The following BTG1 variants were observed in gnomAD, a reference collection of about 807,000 sequenced individuals.
BTG1 encodes the protein protein BTG1.
A neutral mutation model predicts 15.2 loss-of-function variants in BTG1; 2 were observed. The ratio of observed to expected loss-of-function variants is 0.13; its 90% CI spans 0.05 to 0.41. The LOEUF (loss-of-function observed/expected upper bound fraction) is 0.41, where lower values mean the gene tolerates loss of function less well. Among genes scored for constraint, BTG1 ranks in the 10% least tolerant of loss-of-function variants. The probability of loss-of-function intolerance (pLI) is 0.99; values close to 1 mark genes in which losing one functional copy is unlikely to be tolerated. For synonymous variants in BTG1, 109 were observed against 82.4 expected (o/e 1.32, Z -1.75); for missense variants, 149 against 215.0 (o/e 0.69, Z 1.92).
At chr12:92,144,736 A>G (rs933544853) in intron 1 of BTG1, among the ~76,000 whole-genome samples, 1 of 152,188 alleles carries the variant, frequency 6.6e-6, no homozygotes, top group Non-Finnish European at 1.5e-5. Flanking sequence ...ACTGGCACCT[A>G]TGGCCAGGCG....
chr12:92,142,366 A>G lies in BTG1; in HGVS notation c.*1714T>C, dbSNP rs1320457812. ...ACATATATACCAAAAAAAGGCCACTATATGTTAACTGTGTAGAGCAAAATT... is the reference window on the plus strand; with the variant it reads ...ACATATATACCAAAAAAAGGCCACTGTATGTTAACTGTGTAGAGCAAAATT... On this transcript the variant is annotated 3_prime_UTR_variant, in exon 2 of 2. Coordinates refer to ENST00000256015, the MANE Select transcript of BTG1 (RefSeq NM_001731.3). The G allele has an allele frequency of 1.3e-5, 3 of 231,096 alleles. No individual in the cohort carries two copies. The highest frequency in any genetic ancestry group is 2.6e-5 in the Non-Finnish European group (3 of 116,870). 14.3% of individuals were successfully genotyped at this position (231,096 alleles called of 1,614,324 possible). A position where few individuals can be genotyped will look rare whatever the true frequency, so the allele number is the denominator to read the frequency against.
rs1427212321 is a variant in BTG1 at position 92,145,515 on chromosome 12, C to G, written c.21G>C (p.Arg7=). The change falls in exon 1 of 2, where the codon CGG becomes CGC. Residue 7 remains arginine, a synonymous_variant. Transcript: ENST00000256015. MHPFYT[R]AATMIGEIAA... ...CGATCTCGCCTATCATGGTGGCGGC[C>G]CGGGTGTAGAAGGGATGCATGGGGG... The G allele has an allele frequency of 1.3e-6, 2 of 1,576,298 alleles. No individual in the cohort carries two copies. The highest frequency in any genetic ancestry group is 1.1e-5 in the South Asian group (1 of 87,696).
Position 92,143,898 on chromosome 12 carries a change from G to T in BTG1, c.*182C>A, listed in dbSNP as rs1870409316. 1 of 626,576 alleles carries T rather than the reference G, an allele frequency of 1.6e-6. No individual in the cohort carries two copies. The highest frequency in any genetic ancestry group is 2.6e-6 in the Non-Finnish European group (1 of 377,998). The allele number at this position is 626,576 out of a possible 1,614,324, so 38.8% of individuals were successfully genotyped here. A position where few individuals can be genotyped will look rare whatever the true frequency, so the allele number is the denominator to read the frequency against. ...GGCTATTAAAATTAATCATTGAAAG[G>T]TACTGTCCAAACTATGGCACTGTCA... is the stretch of plus-strand genomic sequence containing the variant. On this transcript the variant is annotated 3_prime_UTR_variant, in exon 2 of 2. Coordinates refer to ENST00000256015, the MANE Select transcript of BTG1 (RefSeq NM_001731.3).
In BTG1 at chr12:92,143,615, T is replaced by C. The variant is rs758145825; in HGVS notation, c.*465A>G. The C allele has an allele frequency of 7.4e-5, 18 of 243,290 alleles. No homozygotes were observed. The highest frequency in any genetic ancestry group is 1.2e-4 in the Non-Finnish European group (15 of 124,640). The allele number at this position is 243,290 out of a possible 1,614,324, so 15.1% of individuals were successfully genotyped here. A position where few individuals can be genotyped will look rare whatever the true frequency, so the allele number is the denominator to read the frequency against. ...TACATATTTAAGTGCTAGGTAAAAG[T>C]CTTGTAAAATTTCCAGTACTACCAT... On this transcript the variant is annotated 3_prime_UTR_variant, in exon 2 of 2. Transcript: ENST00000256015.
chr12:92,145,549 GGGGGCGGCCC>G lies in BTG1; in HGVS notation c.-24_-15del. The G allele has an allele frequency of 1.4e-6, 2 of 1,469,924 alleles. No homozygotes were observed. The highest frequency in any genetic ancestry group is 1.4e-5 in the South Asian group (1 of 70,172). The allele number at this position is 1,469,924 out of a possible 1,614,324, so 91.1% of individuals were successfully genotyped here. ...GAAGGGATGCATGGGGGCGGCGTGC[GGGGGCGGCCC>G]GGGGCGGCTGGGGCTCGGCGGCGCG... On this transcript the variant is annotated 5_prime_UTR_variant, in exon 1 of 2. Transcript: ENST00000256015.
At position 92,142,031 on chromosome 12, in the gene BTG1, T is replaced by A. The variant is rs146332177; in HGVS notation, c.*2049A>T. The A allele has an allele frequency of 7.8e-4, 181 of 232,054 alleles. 3 individuals are homozygous for A. In the East Asian group the frequency reaches 0.011, roughly 14 times the overall value. 14.4% of individuals were successfully genotyped at this position (232,054 alleles called of 1,614,324 possible). On this transcript the variant is annotated 3_prime_UTR_variant, in exon 2 of 2. Transcript: ENST00000256015. ...CCCTACCTGGTGTTTTTATTGTAAT[T>A]CAAGTTTGAAATACCGAGGAGCTTT...
chr12:92,140,316 A>T lies in BTG1; in HGVS notation c.*3764T>A, dbSNP rs1022020667. 6 of 201,930 alleles carry T rather than the reference A, an allele frequency of 3.0e-5. No individual in the cohort carries two copies. The highest frequency in any genetic ancestry group is 1.0e-5 in the Non-Finnish European group (1 of 98,418). 12.5% of individuals were successfully genotyped at this position (201,930 alleles called of 1,614,324 possible). ...TTTTATTCCTATCTTGGACATACTGAGCAATACGAAAAGTGATAAGCCAAG... is the reference window on the plus strand; with the variant it reads ...TTTTATTCCTATCTTGGACATACTGTGCAATACGAAAAGTGATAAGCCAAG... On this transcript the variant is annotated 3_prime_UTR_variant, in exon 2 of 2. Coordinates refer to ENST00000256015, the MANE Select transcript of BTG1 (RefSeq NM_001731.3).
In BTG1 at chr12:92,143,293, ATGG is replaced by A. The variant is rs954791056; in HGVS notation, c.*784_*786del. 3.0e-5 allele frequency: 7 copies of A among 232,888 alleles called. No individual in the cohort carries two copies. The highest frequency in any genetic ancestry group is 1.3e-4 in the African/African-American group (6 of 45,464). 14.4% of individuals were successfully genotyped at this position (232,888 alleles called of 1,614,324 possible). On this transcript the variant is annotated 3_prime_UTR_variant, in exon 2 of 2. Transcript: ENST00000256015. ...ATGACTAACAAAGTTCACAAAATAG[ATGG>A]TGGTTTGTGGAAAAGACTTTTACCC...
Position 92,145,519 on chromosome 12 carries a change from G to C in BTG1, c.17C>G (p.Thr6Ser). Residue 6 changes from threonine (T) to serine (S), a missense_variant, in exon 1 of 2, where the codon ACC becomes AGC. Physicochemically the swap from Thr to Ser is moderately conservative, Grantham distance 58. Around this residue, in one of 3 missense-constraint regions of BTG1, gnomAD observed 63 missense variants for 60.8 expected, o/e 1.04. Coordinates refer to ENST00000256015, the MANE Select transcript of BTG1 (RefSeq NM_001731.3). MHPFY[T>S]RAATMIGEIA... ...CTCGCCTATCATGGTGGCGGCCCGG[G>C]TGTAGAAGGGATGCATGGGGGCGGC... The C allele has an allele frequency of 1.3e-6, 2 of 1,544,222 alleles. No homozygotes were observed. Among genetic ancestry groups the C allele is most frequent in the Non-Finnish European group, 1.7e-6 (2 of 1,145,244 alleles).
In BTG1 at chr12:92,142,124, C is replaced by CGAAT. The variant is rs1870272477; in HGVS notation, c.*1952_*1955dup. 1 of 231,880 alleles carries CGAAT rather than the reference C, an allele frequency of 4.3e-6. No homozygotes were observed. The highest frequency in any genetic ancestry group is 8.5e-6 in the Non-Finnish European group (1 of 117,292). 14.4% of individuals were successfully genotyped at this position (231,880 alleles called of 1,614,324 possible). A position where few individuals can be genotyped will look rare whatever the true frequency, so the allele number is the denominator to read the frequency against. Reference sequence around the variant, plus strand: ...GGGTAGTCCATGTGTTGCGGGTCTACGAATTCTAACTCTCGAGAATGGTGT... The same window carrying CGAAT: ...GGGTAGTCCATGTGTTGCGGGTCTACGAATGAATTCTAACTCTCGAGAATGGTGT... On this transcript the variant is annotated 3_prime_UTR_variant, in exon 2 of 2. Transcript: ENST00000256015.
chr12:92,141,750 A>G lies in BTG1; in HGVS notation c.*2330T>C, dbSNP rs1208670371. 8.6e-6 allele frequency: 2 copies of G among 232,720 alleles called. No homozygotes were observed. Among genetic ancestry groups the G allele is most frequent in the African/African-American group, 2.2e-5 (1 of 45,332 alleles). The allele number at this position is 232,720 out of a possible 1,614,324, so 14.4% of individuals were successfully genotyped here. On this transcript the variant is annotated 3_prime_UTR_variant, in exon 2 of 2. Transcript: ENST00000256015. ...ATGTGTGCAAGCCTTTTTCAAAGAC[A>G]AACTTATAAACAGCTCCTCACAAGC...
rs574522234 is a variant in BTG1, at chr12:92,141,669, T to G, written c.*2411A>C. On this transcript the variant is annotated 3_prime_UTR_variant, in exon 2 of 2. Coordinates refer to ENST00000256015, the MANE Select transcript of BTG1 (RefSeq NM_001731.3). ...ACTGTACCGCAGATACAGGTTCAGC[T>G]CAATTGTCTGGGGAAGGTAAGGTTA... 1 of 232,106 alleles carries G rather than the reference T, an allele frequency of 4.3e-6. No individual in the cohort carries two copies. The highest frequency in any genetic ancestry group is 6.1e-5 in the East Asian group (1 of 16,422). The allele number at this position is 232,106 out of a possible 1,614,324, so 14.4% of individuals were successfully genotyped here.
Position 92,141,807 on chromosome 12 carries a change from TTTA to T in BTG1, c.*2270_*2272del, listed in dbSNP as rs1237318428. The T allele has an allele frequency of 4.3e-6, 1 of 232,468 alleles. No homozygotes were observed. Among genetic ancestry groups the T allele is most frequent in the African/African-American group, 2.2e-5 (1 of 45,286 alleles). The allele number at this position is 232,468 out of a possible 1,614,324, so 14.4% of individuals were successfully genotyped here. On this transcript the variant is annotated 3_prime_UTR_variant, in exon 2 of 2. Transcript: ENST00000256015. ...TCACCTGAATTCTAAAATAAACATTTTTATTAACTGTTTCCATCATTTTCAAAG... is the reference window on the plus strand; with the variant it reads ...TCACCTGAATTCTAAAATAAACATTTTTAACTGTTTCCATCATTTTCAAAG...
intron 1 of BTG1, 53 bp downstream of exon 1, chr12:92,145,335 T>G: frequency 4.1e-6 from 6 of 1,459,706 alleles, no homozygotes; most frequent in South Asian, 1.4e-5. Flanking sequence ...ACGGCCGGAC[T>G]CTGACCCAGG....
rs1870183117 is a variant in BTG1, at chr12:92,141,047, A to G, written c.*3033T>C. 4.3e-6 allele frequency: 1 copy of G among 232,776 alleles called. No individual in the cohort carries two copies. Among genetic ancestry groups the G allele is most frequent in the African/African-American group, 2.2e-5 (1 of 45,342 alleles). 14.4% of individuals were successfully genotyped at this position (232,776 alleles called of 1,614,324 possible). A position where few individuals can be genotyped will look rare whatever the true frequency, so the allele number is the denominator to read the frequency against. On this transcript the variant is annotated 3_prime_UTR_variant, in exon 2 of 2. Transcript: ENST00000256015. ...TAAAAGTCACGCAGGGAGAAGTCCA[A>G]TAGTAGATTTATTTGCTCCCAAGAT...
In BTG1 at chr12:92,145,076, C is replaced by T. The variant is rs1381261457; in HGVS notation, c.148+312G>A. 7 of 226,854 alleles carry T rather than the reference C, an allele frequency of 3.1e-5. No homozygotes were observed. In the East Asian group the frequency reaches 6.5e-4, roughly 21 times the overall value. The allele number at this position is 226,854 out of a possible 1,614,324, so 14.1% of individuals were successfully genotyped here. ...CGAACCCACCCCAGCCCCACGGCTCCTTTGTCCCCAAATCCGCCGACGGTC... is the reference window on the plus strand; with the variant it reads ...CGAACCCACCCCAGCCCCACGGCTCTTTTGTCCCCAAATCCGCCGACGGTC... On this transcript the variant is annotated intron_variant, in intron 1 of 1. Coordinates refer to ENST00000256015, the MANE Select transcript of BTG1 (RefSeq NM_001731.3).
Position 92,145,541 on chromosome 12 carries a change from C to CGGCGTGCGGG in BTG1, c.-16_-7dup, listed in dbSNP as rs755383761. 2.7e-6 allele frequency: 4 copies of CGGCGTGCGGG among 1,490,618 alleles called. No homozygotes were observed. In the South Asian group the frequency reaches 5.4e-5, roughly 20 times the overall value. 92.3% of individuals were successfully genotyped at this position (1,490,618 alleles called of 1,614,324 possible). On this transcript the variant is annotated 5_prime_UTR_variant, in exon 1 of 2. Transcript: ENST00000256015. The stretch of plus-strand genomic sequence containing the variant: ...CGGGTGTAGAAGGGATGCATGGGGG[C>CGGCGTGCGGG]GGCGTGCGGGGGCGGCCCGGGGCGG...
chr12:92,140,888 G>A lies in BTG1; in HGVS notation c.*3192C>T, dbSNP rs1870170643. The A allele has an allele frequency of 1.3e-5, 3 of 232,486 alleles. No individual in the cohort carries two copies. Among genetic ancestry groups the A allele is most frequent in the Admixed American group, 5.6e-5 (1 of 17,774 alleles). The allele number at this position is 232,486 out of a possible 1,614,324, so 14.4% of individuals were successfully genotyped here. A position where few individuals can be genotyped will look rare whatever the true frequency, so the allele number is the denominator to read the frequency against. On this transcript the variant is annotated 3_prime_UTR_variant, in exon 2 of 2. Transcript: ENST00000256015. ...ATGTTCTCCATATAGCCTATCAAGA[G>A]GATTTTATCACATCATTTGAAATAG...
Position 92,140,773 on chromosome 12 carries a change from A to G in BTG1, c.*3307T>C, listed in dbSNP as rs201597308. 1.7e-5 allele frequency: 4 copies of G among 232,358 alleles called. No homozygotes were observed. The highest frequency in any genetic ancestry group is 3.4e-5 in the Non-Finnish European group (4 of 117,582). 14.4% of individuals were successfully genotyped at this position (232,358 alleles called of 1,614,324 possible). A position where few individuals can be genotyped will look rare whatever the true frequency, so the allele number is the denominator to read the frequency against. Reference sequence around the variant, plus strand: ...AGTCTAAAATGTTGGCAGTCTGTATACCTTCAGATAAATAAGAAATCTATT... The same window carrying G: ...AGTCTAAAATGTTGGCAGTCTGTATGCCTTCAGATAAATAAGAAATCTATT... On this transcript the variant is annotated 3_prime_UTR_variant, in exon 2 of 2. Coordinates refer to ENST00000256015, the MANE Select transcript of BTG1 (RefSeq NM_001731.3).
Sources: gnomAD v4.1 joint callset for allele counts (sites outside exome capture counted in the v4.1 genomes callset) on GRCh38, gnomAD v4.1.1 for gene constraint, gnomAD v4.1.1 regional missense constraint, MANE v1.5 for transcripts, NCBI Gene and HGNC (gene_info 2026-07-23, HGNC 2026-07-21) for gene names.